Variants in WDR27 observed in about 807,000 individuals in gnomAD.
The protein encoded by WDR27 is WD repeat domain 27, also known as WD repeat-containing protein 27.
WDR27 carries 100 observed loss-of-function variants against 114.4 expected under a neutral mutation model. The observed-to-expected ratio is 0.87, with a 90% CI of 0.74 to 1.03. WDR27 has a LOEUF of 1.03. WDR27 is among the 50% of genes least tolerant of loss of function. The pLI is 0.00. For missense variants in WDR27, 1,129 were observed against 1,092.9 expected, an observed-to-expected ratio of 1.03 and a Z score of -0.47; for synonymous variants, 449 against 423.1, an observed-to-expected ratio of 1.06 and a Z score of -0.75.
chr6:169,539,178 C>T lies in WDR27; in HGVS notation c.2645+33241G>A, dbSNP rs561648610. ...TTTGGAGTTGTTTCCGTCGCACAGC[C>T]CCCTGGTCTTCTGACAGCCTCACCA... On this transcript the variant is annotated intron_variant, in intron 25 of 25. Transcript: ENST00000448612. 8.5e-5 allele frequency among the ~76,000 whole-genome samples: 13 copies of T among 152,252 alleles called. No individual in the cohort carries two copies. The South Asian group carries it at 2.5e-3, about 29-fold the overall frequency.
intron 21 of WDR27, among the ~76,000 whole-genome samples, chr6:169,615,275 T>A (rs1324145381): frequency 6.6e-6 from 1 of 152,170 alleles, no homozygotes; most frequent in Non-Finnish European, 1.5e-5. Flanking sequence ...GTTTGTTATA[T>A]AAGTAAACTT....
At chr6:169,610,524 A>G (rs1046276295) in intron 22 of WDR27, among the ~76,000 whole-genome samples, 1 of 152,130 alleles carries the variant, frequency 6.6e-6, no homozygotes, top group Non-Finnish European at 1.5e-5. Context: ...TCACTACCAC[A>G]AGAACAGTAT....
intron 23 of WDR27, among the ~76,000 whole-genome samples, chr6:169,598,569 G>A (rs555076601): frequency 4.6e-5 from 7 of 152,302 alleles, no homozygotes; most frequent in African/African-American, 1.7e-4. Flanking sequence ...TTCAACATGA[G>A]TTCTGGAGGA....
intron 25 of WDR27, among the ~76,000 whole-genome samples, chr6:169,513,862 G>A (rs1245817949): frequency 6.6e-6 from 1 of 152,138 alleles, no homozygotes; most frequent in Non-Finnish European, 1.5e-5. Flanking sequence ...AAATGTCTCT[G>A]CTGTCATTAC....
At chr6:169,514,695 G>A (rs992785960) in intron 25 of WDR27, among the ~76,000 whole-genome samples, 4 of 147,950 alleles carry the variant, frequency 2.7e-5, no homozygotes, top group African/African-American at 9.9e-5. Flanking sequence ...AGGAATAAAA[G>A]GTTGGCTTAA....
Position 169,530,655 on chromosome 6 carries a change from A to G in WDR27, c.2645+41764T>C, listed in dbSNP as rs1011413805. On this transcript the variant is annotated intron_variant, in intron 25 of 25. Transcript: ENST00000448612. ...CAACGCATGGAGGTGGCCGATGTTT[A>G]TGGCTGGTATAACGCAGCACCGCCC... Among the ~76,000 whole-genome samples, 4 of 152,194 alleles carry G rather than the reference A, an allele frequency of 2.6e-5. No homozygotes were observed. In the East Asian group the frequency reaches 7.7e-4, roughly 29 times the overall value.
chr6:169,472,078 C>G (rs1022160621), intron 25 of WDR27, among the ~76,000 whole-genome samples: 5 of 152,082 alleles, frequency 3.3e-5, no homozygotes, highest in Non-Finnish European at 7.4e-5. Context: ...ATCATTCAGC[C>G]CATAGCAGGT....
chr6:169,700,279 G>A (rs76529527), intron 1 of WDR27, among the ~76,000 whole-genome samples: 2,767 of 152,304 alleles, frequency 0.018, 80 homozygotes, highest in African/African-American at 0.064. Context: ...GAAATGTTCT[G>A]TGTTGCACTA....
At chr6:169,535,961 A>C (rs1356517638) in intron 25 of WDR27, among the ~76,000 whole-genome samples, 1 of 152,216 alleles carries the variant, frequency 6.6e-6, no homozygotes, top group Non-Finnish European at 1.5e-5. Flanking sequence ...TACTGTTCCC[A>C]CATACTTTAA....
intron 1 of WDR27, among the ~76,000 whole-genome samples, chr6:169,700,565 A>G (rs560362350): frequency 6.6e-6 from 1 of 152,282 alleles, no homozygotes; most frequent in African/African-American, 2.4e-5. Context: ...AAATGCGGAG[A>G]ATTCAGAGGG....
Position 169,520,064 on chromosome 6 carries a change from G to A in WDR27, c.2645+52355C>T, listed in dbSNP as rs970656525. On this transcript the variant is annotated intron_variant, in intron 25 of 25. Coordinates refer to ENST00000448612, the MANE Select transcript of WDR27 (RefSeq NM_182552.5). The stretch of plus-strand genomic sequence containing the variant: ...CCGAAAAGAAAAATATCCCTATGAA[G>A]AGCCAGAGACAAAAGGGGGAAGTGG... Among the ~76,000 whole-genome samples, 4 of 152,144 alleles carry A rather than the reference G, an allele frequency of 2.6e-5. No individual in the cohort carries two copies. The East Asian group carries it at 7.7e-4, about 29-fold the overall frequency.
At chr6:169,555,402 G>A (rs138030799) in intron 25 of WDR27, among the ~76,000 whole-genome samples, 158 of 152,292 alleles carry the variant, frequency 1.0e-3, no homozygotes, top group Middle Eastern at 3.4e-3. Flanking sequence ...GTGCACCAGA[G>A]AAGGATGGAA....
At chr6:169,553,040 GGGGAGGGCCTGGAGGGCC>G (rs1562571855) in intron 25 of WDR27, among the ~76,000 whole-genome samples, 18 of 112,248 alleles carry the variant, frequency 1.6e-4, no homozygotes, top group Non-Finnish European at 2.8e-4. Context: ...GCAGGGAGGT[GGGGAGGGCCTGGAGGGCC>G]TGTGTGTGTG....
intron 21 of WDR27, among the ~76,000 whole-genome samples, chr6:169,617,906 G>C (rs2128192398): frequency 6.6e-6 from 1 of 152,246 alleles, no homozygotes; most frequent in South Asian, 2.1e-4. Context: ...CTCTTCGTTA[G>C]AAAAGAAAAT....
chr6:169,664,494 CG>C, intron 7 of WDR27: 1 of 1,414,898 alleles, frequency 7.1e-7, no homozygotes, highest in Non-Finnish European at 9.2e-7. Flanking sequence ...CACTTTCACA[CG>C]GCTGGCACAT....
chr6:169,544,875 A>G (rs1256795639), intron 25 of WDR27, among the ~76,000 whole-genome samples: 1 of 152,218 alleles, frequency 6.6e-6, no homozygotes, highest in East Asian at 1.9e-4. Flanking sequence ...ATGCATGCTG[A>G]CCATTACAAA....
chr6:169,525,009 A>T (rs1394390849), intron 25 of WDR27, among the ~76,000 whole-genome samples: 2 of 152,176 alleles, frequency 1.3e-5, no homozygotes, highest in Non-Finnish European at 2.9e-5. Flanking sequence ...GATGGGAGAA[A>T]ATACTTGCAC....
chr6:169,467,161 C>T (rs1418962247), intron 25 of WDR27, among the ~76,000 whole-genome samples: 2 of 152,182 alleles, frequency 1.3e-5, no homozygotes, highest in African/African-American at 4.8e-5. Flanking sequence ...TGCATAGCTC[C>T]ACCCCTGTGG....
chr6:169,465,565 C>T (rs989731195), intron 25 of WDR27, among the ~76,000 whole-genome samples: 2 of 152,078 alleles, frequency 1.3e-5, no homozygotes, highest in African/African-American at 2.4e-5. Context: ...AAGAACTGAA[C>T]GTAGGGTCTC....
Sources: gnomAD v4.1 joint callset for allele counts (sites outside exome capture counted in the v4.1 genomes callset) on GRCh38, gnomAD v4.1.1 for gene constraint, MANE v1.5 for transcripts, NCBI Gene and HGNC (gene_info 2026-07-23, HGNC 2026-07-21) for gene names.